Variants in EIF4G3 observed in about 807,000 individuals in gnomAD.
The protein encoded by EIF4G3 is eIF-4-gamma 3.
A neutral mutation model predicts 186.4 loss-of-function variants in EIF4G3; 34 were observed. That is an observed-to-expected ratio of 0.18 (90% CI 0.14 to 0.24). The LOEUF is 0.24. EIF4G3 is among the 10% of genes least tolerant of loss of function. The probability of loss-of-function intolerance (pLI) is 1.00; values close to 1 mark genes in which losing one functional copy is unlikely to be tolerated. For missense variants in EIF4G3, 1,536 were observed against 1,948.5 expected (o/e 0.79, Z 3.99); for synonymous variants, 673 against 679.5 (o/e 0.99, Z 0.15).
At chr1:20,948,705 AT>A (rs961653324) in intron 13 of EIF4G3, among the ~76,000 whole-genome samples, 2 of 152,156 alleles carry the variant, frequency 1.3e-5, no homozygotes, top group Non-Finnish European at 2.9e-5. Flanking sequence ...ATTCCTAAAT[AT>A]TTTTTAAAGG....
chr1:21,096,575 C>T (rs1019899257), intron 2 of EIF4G3, among the ~76,000 whole-genome samples: 8 of 152,138 alleles, frequency 5.3e-5, no homozygotes, highest in South Asian at 2.1e-4. Flanking sequence ...GTTAACAATT[C>T]CAGTTGGGTC....
intron 12 of EIF4G3, among the ~76,000 whole-genome samples, chr1:20,965,436 T>C (rs1347273542): frequency 6.6e-6 from 1 of 151,872 alleles, no homozygotes; most frequent in Admixed American, 6.6e-5. Flanking sequence ...AACAATAGCA[T>C]TGCCATTCAT....
chr1:20,855,902 A>C (rs1008956452), intron 25 of EIF4G3, among the ~76,000 whole-genome samples: 7 of 152,204 alleles, frequency 4.6e-5, no homozygotes, highest in Non-Finnish European at 1.0e-4. Flanking sequence ...AAAAATATTA[A>C]GGTAGTAATG....
intron 2 of EIF4G3, among the ~76,000 whole-genome samples, chr1:21,118,724 T>A (rs1473736710): frequency 6.7e-6 from 1 of 149,752 alleles, no homozygotes; most frequent in Non-Finnish European, 1.5e-5. Context: ...AGACAGCGGT[T>A]GCAGTGAGGC....
At chr1:21,118,588 C>A (rs1310378219) in intron 2 of EIF4G3, among the ~76,000 whole-genome samples, 3 of 152,010 alleles carry the variant, frequency 2.0e-5, no homozygotes, top group Non-Finnish European at 4.4e-5. Context: ...GAGCTTGAGA[C>A]CAGCCTAGCC....
chr1:20,873,983 T>G (rs570566403), intron 20 of EIF4G3, among the ~76,000 whole-genome samples: 135 of 152,288 alleles, frequency 8.9e-4, no homozygotes, highest in African/African-American at 3.0e-3. Context: ...GGATGATGGC[T>G]TCCAGCTTCA....
rs1572074309 is a variant in EIF4G3, at chr1:21,071,398, A to G, written c.-196+17740T>C. On this transcript the variant is annotated intron_variant, in intron 3 of 36. Coordinates refer to ENST00000602326, the MANE Select transcript of EIF4G3 (RefSeq NM_001391906.1). Reference sequence around the variant, plus strand: ...GCTACCATGCTCCAGCCTGGACAACAGGGTGAGAACCTGTCTCCAAAAAAC... The same window carrying G: ...GCTACCATGCTCCAGCCTGGACAACGGGGTGAGAACCTGTCTCCAAAAAAC... Among the ~76,000 whole-genome samples the G allele has an allele frequency of 3.9e-5, 6 of 152,308 alleles. No individual in the cohort carries two copies. The East Asian group carries it at 1.2e-3, about 29-fold the overall frequency.
chr1:20,864,958 A>C (rs1332431455), intron 21 of EIF4G3, among the ~76,000 whole-genome samples, 158 bp downstream of exon 21: 1 of 152,202 alleles, frequency 6.6e-6, no homozygotes, highest in Non-Finnish European at 1.5e-5. Flanking sequence ...AAAGGAACAA[A>C]GCATTCCCCT....
chr1:21,009,433 AG>A (rs1233594933), intron 4 of EIF4G3, among the ~76,000 whole-genome samples: 1 of 152,106 alleles, frequency 6.6e-6, no homozygotes, highest in Non-Finnish European at 1.5e-5. Context: ...CTCCTGCCTC[AG>A]CCTCCCAAAG....
Position 20,950,050 on chromosome 1 carries a change from T to A in EIF4G3, c.776A>T (p.His259Leu), listed in dbSNP as rs759787647. Residue 259 changes from histidine to leucine, a missense_variant, in exon 13 of 37, where the codon CAT becomes CTT. Physicochemically the swap from His to Leu is moderately conservative, Grantham distance 99. This residue lies in a region of EIF4G3 where 560 missense variants were observed against 547.8 expected (regional missense o/e 1.02). Transcript: ENST00000602326. The part of the protein sequence containing the change: ...PVVYGTVESA[H>L]LAASTPVTAA... The stretch of plus-strand genomic sequence containing the variant: ...AGTGACAGGGGTGCTGGCAGCAAGA[T>A]GAGCGCTCTCCACAGTCCCATAAAC... 1 of 1,613,624 alleles carries A rather than the reference T, an allele frequency of 6.2e-7. No homozygotes were observed. The highest frequency in any genetic ancestry group is 1.1e-5 in the South Asian group (1 of 91,050).
chr1:20,941,608 T>C lies in EIF4G3; in HGVS notation c.1546A>G (p.Thr516Ala), dbSNP rs575873717. The C allele has an allele frequency of 1.2e-6, 2 of 1,614,092 alleles. No individual in the cohort carries two copies. Among genetic ancestry groups the C allele is most frequent in the African/African-American group, 2.7e-5 (2 of 74,936 alleles). The change falls in exon 14 of 37, where the codon ACT becomes GCT. Residue 516 changes from threonine to alanine, a missense_variant. This residue lies in a region of EIF4G3 where 560 missense variants were observed against 547.8 expected (regional missense o/e 1.02). Coordinates refer to ENST00000602326, the MANE Select transcript of EIF4G3 (RefSeq NM_001391906.1). Reference protein sequence around the residue: ...RVLEEDESIRTCLSEDAKEIQ... With the variant: ...RVLEEDESIRACLSEDAKEIQ... The stretch of plus-strand genomic sequence containing the variant: ...TCTTTTGCATCTTCACTAAGGCAAG[T>C]TCTTATGCTCTCGTCCTCCTCTAGG...
chr1:21,042,147 C>T (rs1474118286), intron 4 of EIF4G3, among the ~76,000 whole-genome samples: 2 of 152,006 alleles, frequency 1.3e-5, no homozygotes, highest in South Asian at 2.1e-4. Flanking sequence ...CCGCCATACC[C>T]GGCTAATTTT....
intron 14 of EIF4G3, among the ~76,000 whole-genome samples, chr1:20,917,113 AACAG>A (rs2093962725): frequency 6.6e-6 from 1 of 152,156 alleles, no homozygotes; most frequent in African/African-American, 2.4e-5. Flanking sequence ...TAGGTTAACA[AACAG>A]ACAAATTGTG....
At chr1:21,026,223 T>C (rs2092064411) in intron 4 of EIF4G3, among the ~76,000 whole-genome samples, 1 of 151,936 alleles carries the variant, frequency 6.6e-6, no homozygotes, top group Non-Finnish European at 1.5e-5. Context: ...TGGGAAAAAA[T>C]GGCCCAGAAA....
chr1:21,150,057 A>G (rs1316174915), intron 2 of EIF4G3, among the ~76,000 whole-genome samples: 1 of 152,250 alleles, frequency 6.6e-6, no homozygotes, highest in Non-Finnish European at 1.5e-5. Context: ...TTCTTCCACA[A>G]GAAAAGCCCA....
intron 7 of EIF4G3, among the ~76,000 whole-genome samples, chr1:20,987,039 T>C (rs1286605699): frequency 6.6e-6 from 1 of 152,200 alleles, no homozygotes; most frequent in Non-Finnish European, 1.5e-5. Context: ...AGCATACTTA[T>C]AATTGCTTAC....
intron 2 of EIF4G3, among the ~76,000 whole-genome samples, chr1:21,140,656 GT>G (rs1407498395): frequency 2.0e-5 from 3 of 152,188 alleles, no homozygotes; most frequent in African/African-American, 7.2e-5. Flanking sequence ...TAAAATTAAA[GT>G]AAGCAGTTTT....
chr1:20,816,354 T>G (rs1201305553), intron 34 of EIF4G3, among the ~76,000 whole-genome samples: 1 of 23,350 alleles, frequency 4.3e-5, no homozygotes, highest in African/African-American at 1.3e-4. Context: ...AGCCGCCCCG[T>G]CCGGGAGGGA....
chr1:20,899,719 C>T lies in EIF4G3; in HGVS notation c.1977G>A (p.Gly659=). ...NSGSTDSSGD[G]VTFPFKPESW... is the part of the protein sequence containing the mutation. ...TACCTGGTTTAAATGGAAATGTAAC[C>T]CCATCACCAGAACTATCTGTGGAGC... Residue 659 remains glycine, a synonymous_variant, in exon 16 of 37, where the codon GGG becomes GGA. Coordinates refer to ENST00000602326, the MANE Select transcript of EIF4G3 (RefSeq NM_001391906.1). The T allele has an allele frequency of 6.2e-7, 1 of 1,614,086 alleles. No homozygotes were observed. Among genetic ancestry groups the T allele is most frequent in the Non-Finnish European group, 8.5e-7 (1 of 1,179,990 alleles).
Sources: allele counts gnomAD v4.1 joint callset (sites outside exome capture counted in the v4.1 genomes callset), GRCh38; gene constraint gnomAD v4.1.1; regional missense constraint gnomAD v4.1.1; transcripts MANE v1.5; gene names NCBI Gene and HGNC (gene_info 2026-07-23, HGNC 2026-07-21).